RANBP2: variants seen among roughly 807,000 people sequenced by gnomAD.
The protein encoded by RANBP2 is E3 SUMO-protein ligase RanBP2.
RANBP2 carries 57 observed loss-of-function variants against 303.6 expected under a neutral mutation model. That is an observed-to-expected ratio of 0.19 (90% CI 0.15 to 0.23). The LOEUF is 0.23. Ranked by LOEUF, RANBP2 falls within the 10% of genes least tolerant of loss-of-function variation. The pLI, the probability that RANBP2 is intolerant of heterozygous loss-of-function variation, is 1.00. For synonymous variants in RANBP2, 1,167 were observed against 1,301.5 expected (o/e 0.90, Z 2.23); for missense variants, 3,138 against 3,780.8 (o/e 0.83, Z 4.46).
chr2:109,655,162 A>G, the RANBP2 span, among the ~76,000 whole-genome samples: 506 of 152,122 alleles, frequency 3.3e-3, 2 homozygotes, highest in African/African-American at 0.012. Flanking sequence ...CAGCCTCCCA[A>G]AGTGCTGGGA....
At chr2:108,991,240 ATAAT>A in the RANBP2 span, among the ~76,000 whole-genome samples, 4 of 152,192 alleles carry the variant, frequency 2.6e-5, no homozygotes, top group Non-Finnish European at 2.9e-5. Flanking sequence ...AAATGAGTAT[ATAAT>A]TAATTCAGTT....
chr2:109,575,158 T>C, the RANBP2 span, among the ~76,000 whole-genome samples: 2 of 152,252 alleles, frequency 1.3e-5, no homozygotes, highest in Admixed American at 1.3e-4. Flanking sequence ...TTCATTCTCA[T>C]AGTCATTCAC....
At chr2:109,272,993 A>G in the RANBP2 span, among the ~76,000 whole-genome samples, 1 of 152,224 alleles carries the variant, frequency 6.6e-6, no homozygotes, top group African/African-American at 2.4e-5. Flanking sequence ...AAATTAAAAC[A>G]GGGAAAGAAA....
chr2:108,848,959 A>G, the RANBP2 span, among the ~76,000 whole-genome samples: 1 of 152,218 alleles, frequency 6.6e-6, no homozygotes, highest in East Asian at 1.9e-4. Context: ...TACTGCAGTT[A>G]TTATAACTAT....
chr2:109,194,576 G>A, the RANBP2 span, among the ~76,000 whole-genome samples: 1 of 152,230 alleles, frequency 6.6e-6, no homozygotes, highest in Non-Finnish European at 1.5e-5. Flanking sequence ...AGGGCCCGGC[G>A]GGCGGGCTGG....
chr2:108,898,050 G>A, the RANBP2 span, among the ~76,000 whole-genome samples: 812 of 152,274 alleles, frequency 5.3e-3, 10 homozygotes, highest in African/African-American at 0.016. Context: ...CCCAACAAAA[G>A]TCTTCTGTCT....
At chr2:109,104,948 AGAT>A in the RANBP2 span, among the ~76,000 whole-genome samples, 1 of 152,230 alleles carries the variant, frequency 6.6e-6, no homozygotes, top group Non-Finnish European at 1.5e-5. Context: ...CCCGGTTTGC[AGAT>A]GAAGGACCTG....
chr2:108,869,311 A>G, the RANBP2 span, among the ~76,000 whole-genome samples: 2 of 152,292 alleles, frequency 1.3e-5, no homozygotes, highest in Admixed American at 1.3e-4. Flanking sequence ...ACCCTACTCT[A>G]TCTCTGGCAC....
chr2:109,150,171 C>A, the RANBP2 span, among the ~76,000 whole-genome samples: 3 of 152,110 alleles, frequency 2.0e-5, no homozygotes, highest in East Asian at 5.8e-4. Flanking sequence ...CCTGGAGAAT[C>A]CTGCCAGATC....
chr2:109,697,700 T>C, the RANBP2 span, among the ~76,000 whole-genome samples: 2 of 152,292 alleles, frequency 1.3e-5, no homozygotes, highest in East Asian at 3.9e-4. Flanking sequence ...TTCTTCTTTC[T>C]GATCTGTTTA....
At chr2:109,541,073 T>C in the RANBP2 span, among the ~76,000 whole-genome samples, 2 of 152,246 alleles carry the variant, frequency 1.3e-5, no homozygotes, top group Non-Finnish European at 2.9e-5. Context: ...TACTTTTTTC[T>C]GTATTGGCAT....
chr2:109,255,147 C>T, the RANBP2 span, among the ~76,000 whole-genome samples: 2 of 152,086 alleles, frequency 1.3e-5, no homozygotes, highest in Non-Finnish European at 2.9e-5. Context: ...TGTGTGTGTA[C>T]ATGTGCACGT....
chr2:109,303,702 T>C, the RANBP2 span, among the ~76,000 whole-genome samples: 1 of 152,202 alleles, frequency 6.6e-6, no homozygotes, highest in Non-Finnish European at 1.5e-5. Context: ...TTTTAGTTTT[T>C]TAAAAACCAC....
At chr2:109,676,052 C>T in the RANBP2 span, among the ~76,000 whole-genome samples, 2 of 152,260 alleles carry the variant, frequency 1.3e-5, no homozygotes, top group African/African-American at 4.8e-5. Context: ...CACCGGCATG[C>T]AAGGTGGCTC....
the RANBP2 span, among the ~76,000 whole-genome samples, chr2:109,176,711 T>C: frequency 6.6e-6 from 1 of 152,090 alleles, no homozygotes; most frequent in Non-Finnish European, 1.5e-5. Context: ...CACTCTAGCC[T>C]GGGTCACAGA....
rs1064796454 is a variant in RANBP2 at position 108,763,516 on chromosome 2, T to G, written c.2977T>G (p.Ser993Ala). 5 of 1,614,014 alleles carry G rather than the reference T, an allele frequency of 3.1e-6. No homozygotes were observed. The South Asian group carries it at 4.4e-5, about 14-fold the overall frequency. Residue 993 changes from serine to alanine, a missense_variant, in exon 20 of 29, where the codon TCT becomes GCT. By Grantham distance (99) the Ser-to-Ala change is moderately conservative (BLOSUM62 1). This residue lies in a region of RANBP2 where 403 missense variants were observed against 376.7 expected (regional missense o/e 1.07). Transcript: ENST00000283195. ...KPPIAAHASRSAESKTIEFGK... is the reference protein window; with the variant it reads ...KPPIAAHASRAAESKTIEFGK... ...TCCGATTGCAGCTCATGCTTCAAGA[T>G]CTGCAGAATCTAAGACTATAGAATT...
At chr2:108,744,961 C>G (rs1453445741) in intron 7 of RANBP2, among the ~76,000 whole-genome samples, 13 of 152,004 alleles carry the variant, frequency 8.6e-5, no homozygotes, top group African/African-American at 2.7e-4. Flanking sequence ...TACTTTATTT[C>G]CATTAACTGT....
At chr2:109,057,397 CG>C in the RANBP2 span, among the ~76,000 whole-genome samples, 1 of 152,174 alleles carries the variant, frequency 6.6e-6, no homozygotes, top group Non-Finnish European at 1.5e-5. Context: ...GTCTTAGTGA[CG>C]GATGACAGCT....
chr2:109,307,814 A>C, the RANBP2 span, among the ~76,000 whole-genome samples: 4 of 143,860 alleles, frequency 2.8e-5, no homozygotes, highest in African/African-American at 5.5e-5. Flanking sequence ...TTCTTAATCC[A>C]GTCTATCATT....
Sources: allele counts gnomAD v4.1 joint callset (sites outside exome capture counted in the v4.1 genomes callset), GRCh38; gene constraint gnomAD v4.1.1; regional missense constraint gnomAD v4.1.1; transcripts MANE v1.5; gene names NCBI Gene and HGNC (gene_info 2026-07-23, HGNC 2026-07-21).